The following ZNF521 variants were observed in gnomAD, a reference collection of about 807,000 sequenced individuals.
ZNF521 encodes the protein LYST-interacting protein 3.
Under a neutral mutation model 105.5 loss-of-function variants are expected in ZNF521, and 14 were observed. That is an observed-to-expected ratio of 0.13 (90% CI 0.09 to 0.21). ZNF521 has a LOEUF of 0.21. ZNF521 is among the 10% of genes least tolerant of loss of function. The pLI, the probability that ZNF521 is intolerant of heterozygous loss-of-function variation, is 1.00. For synonymous variants in ZNF521, 635 were observed against 606.0 expected (o/e 1.05, Z -0.70); for missense variants, 1,233 against 1,629.7 (o/e 0.76, Z 4.19).
At chr18:25,263,297 A>C (rs1909033281) in intron 3 of ZNF521, among the ~76,000 whole-genome samples, 1 of 152,160 alleles carries the variant, frequency 6.6e-6, no homozygotes. Flanking sequence ...GACCATGATC[A>C]AGATACAGTA....
chr18:25,172,504 A>G (rs1323791809), intron 5 of ZNF521, among the ~76,000 whole-genome samples: 2 of 152,184 alleles, frequency 1.3e-5, no homozygotes, highest in East Asian at 3.9e-4. Flanking sequence ...TTTTAGGAAT[A>G]TTATTCCCTT....
intron 2 of ZNF521, among the ~76,000 whole-genome samples, chr18:25,350,034 G>A (rs2145238119): frequency 6.6e-6 from 1 of 151,916 alleles, no homozygotes; most frequent in African/African-American, 2.4e-5. Context: ...TGGAGGAGGC[G>A]GCCGAGGAGG....
chr18:25,064,233 A>G (rs2032990403), intron 7 of ZNF521, among the ~76,000 whole-genome samples: 1 of 152,232 alleles, frequency 6.6e-6, no homozygotes, highest in Non-Finnish European at 1.5e-5. Flanking sequence ...ACATAAAAGT[A>G]AAGCAAGATG....
At chr18:25,336,445 T>G (rs1034129619) in intron 2 of ZNF521, among the ~76,000 whole-genome samples, 1 of 152,176 alleles carries the variant, frequency 6.6e-6, no homozygotes, top group Admixed American at 6.5e-5. Context: ...CTTTGTAAAT[T>G]AGCACTGGCC....
At chr18:25,270,098 G>T (rs1449055804) in intron 3 of ZNF521, among the ~76,000 whole-genome samples, 1 of 152,156 alleles carries the variant, frequency 6.6e-6, no homozygotes, top group African/African-American at 2.4e-5. Flanking sequence ...CGATAATGGG[G>T]ATATCACCAG....
At chr18:25,279,842 A>G (rs1910255893) in intron 3 of ZNF521, among the ~76,000 whole-genome samples, 1 of 152,214 alleles carries the variant, frequency 6.6e-6, no homozygotes, top group African/African-American at 2.4e-5. Flanking sequence ...TTATATATAG[A>G]ATAAATGTAG....
At chr18:25,274,056 T>TAGTA (rs1416068697) in intron 3 of ZNF521, among the ~76,000 whole-genome samples, 1 of 152,168 alleles carries the variant, frequency 6.6e-6, no homozygotes, top group East Asian at 1.9e-4. Flanking sequence ...GGAATCTACC[T>TAGTA]CTCCTTATCA....
chr18:25,270,811 G>A (rs1052364215), intron 3 of ZNF521, among the ~76,000 whole-genome samples: 3 of 152,162 alleles, frequency 2.0e-5, no homozygotes, highest in African/African-American at 7.2e-5. Flanking sequence ...CAAGCCCACA[G>A]CTAATATCAT....
chr18:25,086,150 G>A (rs923924545), intron 7 of ZNF521, among the ~76,000 whole-genome samples: 10 of 151,902 alleles, frequency 6.6e-5, no homozygotes, highest in Admixed American at 2.0e-4. Context: ...CTGATAAAAT[G>A]GCTTCATTTT....
chr18:25,163,088 TA>T (rs1211570329), intron 5 of ZNF521, among the ~76,000 whole-genome samples: 1 of 152,190 alleles, frequency 6.6e-6, no homozygotes, highest in African/African-American at 2.4e-5. Flanking sequence ...AGCTAGTTAG[TA>T]GCTGAATTAG....
intron 5 of ZNF521, among the ~76,000 whole-genome samples, chr18:25,111,041 G>C (rs1447796942): frequency 6.6e-6 from 1 of 152,022 alleles, no homozygotes; most frequent in African/African-American, 2.4e-5. Flanking sequence ...GGAATTACAG[G>C]CGTGAGCCAC....
intron 5 of ZNF521, among the ~76,000 whole-genome samples, chr18:25,133,039 T>G (rs1187010271): frequency 1.3e-5 from 2 of 152,178 alleles, no homozygotes. Context: ...TTGGTAGGTT[T>G]CCTAATTGCC....
intron 3 of ZNF521, among the ~76,000 whole-genome samples, chr18:25,261,222 T>C (rs1908884664): frequency 6.6e-6 from 1 of 152,152 alleles, no homozygotes. Flanking sequence ...AGTGAGTTAA[T>C]ACATTTTAGA....
chr18:25,290,251 T>A (rs774197412), intron 3 of ZNF521, among the ~76,000 whole-genome samples: 5 of 152,180 alleles, frequency 3.3e-5, no homozygotes, highest in Non-Finnish European at 7.3e-5. Context: ...CAGCTTAAAA[T>A]TCAGAACCTT....
intron 3 of ZNF521, among the ~76,000 whole-genome samples, chr18:25,240,903 G>A (rs945554396): frequency 2.4e-4 from 36 of 148,110 alleles, no homozygotes; most frequent in African/African-American, 9.0e-4. Context: ...GCACTGGGGC[G>A]AGTTTTCTGC....
intron 4 of ZNF521, among the ~76,000 whole-genome samples, chr18:25,220,585 C>T (rs1905651687): frequency 1.3e-5 from 2 of 152,140 alleles, no homozygotes; most frequent in Admixed American, 6.5e-5. Flanking sequence ...AATAAAGTGG[C>T]TGAGTCAGAT....
intron 4 of ZNF521, chr18:25,224,073 T>C (rs1427374082): frequency 2.6e-6 from 1 of 387,440 alleles, no homozygotes; most frequent in Non-Finnish European, 4.7e-6. Flanking sequence ...TCAGTAGTGT[T>C]GGCATGAGCG....
intron 7 of ZNF521, among the ~76,000 whole-genome samples, chr18:25,063,987 C>T (rs951740006): frequency 2.6e-5 from 4 of 152,222 alleles, no homozygotes; most frequent in African/African-American, 9.6e-5. Context: ...ATTTGTAGGC[C>T]TGGCTCTCAC....
rs771540824 is a variant in ZNF521 at position 25,322,030 on chromosome 18, C to A, written c.198G>T (p.Lys66Asn). 5 of 1,614,138 alleles carry A rather than the reference C, an allele frequency of 3.1e-6. No individual in the cohort carries two copies. The Admixed American group carries it at 8.3e-5, about 27-fold the overall frequency. ...TACCTGTCAGTTGACATTGATTAAT[C>A]TTGTGTTCTGTGATATCGCTCAGCG... ...FESLSDITEH[K>N]INQCQLTDGV... Residue 66 changes from lysine to asparagine, a missense_variant, in exon 3 of 8, where the codon AAG becomes AAT. This residue lies in a region of ZNF521 where 85 missense variants were observed against 162.2 expected (regional missense o/e 0.52). Coordinates refer to ENST00000361524, the MANE Select transcript of ZNF521 (RefSeq NM_015461.3).
Sources: gnomAD v4.1 joint callset for allele counts (sites outside exome capture counted in the v4.1 genomes callset) on GRCh38, gnomAD v4.1.1 for gene constraint, gnomAD v4.1.1 regional missense constraint, MANE v1.5 for transcripts, NCBI Gene and HGNC (gene_info 2026-07-23, HGNC 2026-07-21) for gene names.